The following NKAIN2 variants were observed in gnomAD, a reference collection of about 807,000 sequenced individuals.
NKAIN2 encodes the protein sodium/potassium transporting ATPase interacting 2.
Under a neutral mutation model 32.6 loss-of-function variants are expected in NKAIN2, and 14 were observed. The ratio of observed to expected loss-of-function variants is 0.43; its 90% confidence interval spans 0.28 to 0.67. NKAIN2 has a LOEUF of 0.67. Among genes scored for constraint, NKAIN2 ranks in the 30% least tolerant of loss-of-function variants. The probability of loss-of-function intolerance (pLI) is 0.17; values close to 1 mark genes in which losing one functional copy is unlikely to be tolerated. For synonymous variants in NKAIN2, 80 were observed against 87.2 expected, an observed-to-expected ratio of 0.92 and a Z score of 0.46; for missense variants, 198 against 258.3, an observed-to-expected ratio of 0.77 and a Z score of 1.60.
At chr6:124,429,407 G>A (rs1583238064) in intron 3 of NKAIN2, among the ~76,000 whole-genome samples, 1 of 152,136 alleles carries the variant, frequency 6.6e-6, no homozygotes, top group East Asian at 1.9e-4. Flanking sequence ...TGCATTGGCT[G>A]AGATAACTTC....
rs566337182 is a variant in NKAIN2, at chr6:124,035,103, T to C, written c.54+230849T>C. Among the ~76,000 whole-genome samples the C allele has an allele frequency of 5.8e-4, 89 of 152,206 alleles. 1 individual carries two copies. The South Asian group carries it at 0.017, about 29-fold the overall frequency. On this transcript the variant is annotated intron_variant, in intron 1 of 6. Transcript: ENST00000368417. ...TTGCAAATATGTATAATTATTTTAG[T>C]ATACAGAAATGCAAGAAAATACAGA...
intron 2 of NKAIN2, among the ~76,000 whole-genome samples, chr6:124,294,240 A>G (rs1266891021): frequency 2.0e-5 from 3 of 151,934 alleles, no homozygotes; most frequent in African/African-American, 7.2e-5. Flanking sequence ...CTTTATAACA[A>G]TCTGCTCTAG....
chr6:124,806,283 C>T (rs57113439), intron 5 of NKAIN2, among the ~76,000 whole-genome samples: 12,084 of 152,154 alleles, frequency 0.079, 734 homozygotes, highest in African/African-American at 0.15. Context: ...AGACTAACAG[C>T]GGATCTCTTG....
At chr6:123,957,563 G>T (rs987777985) in intron 1 of NKAIN2, among the ~76,000 whole-genome samples, 1 of 152,108 alleles carries the variant, frequency 6.6e-6, no homozygotes, top group African/African-American at 2.4e-5. Flanking sequence ...TGTAAGAAAT[G>T]ATTATATATC....
intron 1 of NKAIN2, among the ~76,000 whole-genome samples, chr6:124,024,607 A>G (rs1315575526): frequency 6.8e-6 from 1 of 146,126 alleles, no homozygotes; most frequent in Non-Finnish European, 1.5e-5. Context: ...GATAAAGCAG[A>G]TCTTAAGATT....
intron 3 of NKAIN2, among the ~76,000 whole-genome samples, chr6:124,465,663 G>A (rs567124714): frequency 6.7e-6 from 1 of 149,674 alleles, no homozygotes; most frequent in South Asian, 2.1e-4. Context: ...CCTTTGACAA[G>A]GAACCTCAAT....
intron 1 of NKAIN2, among the ~76,000 whole-genome samples, chr6:124,057,268 TCTC>T (rs1427497715): frequency 9.2e-5 from 14 of 152,192 alleles, no homozygotes; most frequent in Non-Finnish European, 1.9e-4. Flanking sequence ...AACAGGTTGT[TCTC>T]ATTCATCCCT....
At chr6:124,339,719 G>A (rs868744451) in intron 2 of NKAIN2, among the ~76,000 whole-genome samples, 1 of 151,962 alleles carries the variant, frequency 6.6e-6, no homozygotes, top group Non-Finnish European at 1.5e-5. Flanking sequence ...AGACTTTTTG[G>A]ATATTTATTT....
intron 1 of NKAIN2, among the ~76,000 whole-genome samples, chr6:123,842,270 C>A (rs556366077): frequency 5.7e-4 from 87 of 152,320 alleles, no homozygotes; most frequent in Non-Finnish European, 1.1e-3. Flanking sequence ...ACAACTGTGG[C>A]AGCTGAGAAA....
chr6:124,585,941 C>T (rs559739964), intron 3 of NKAIN2, among the ~76,000 whole-genome samples: 1 of 152,296 alleles, frequency 6.6e-6, no homozygotes, highest in Admixed American at 6.5e-5. Flanking sequence ...AAAGAAGAGG[C>T]ATGAAGCTTT....
intron 2 of NKAIN2, among the ~76,000 whole-genome samples, chr6:124,286,417 A>C (rs1795543795): frequency 1.3e-5 from 2 of 152,110 alleles, no homozygotes; most frequent in Non-Finnish European, 2.9e-5. Flanking sequence ...TTACTATATA[A>C]TTAATAATAA....
intron 1 of NKAIN2, among the ~76,000 whole-genome samples, chr6:124,086,148 A>G (rs542470665): frequency 3.0e-4 from 45 of 152,074 alleles, no homozygotes; most frequent in African/African-American, 1.0e-3. Context: ...ATTCATTATC[A>G]TAGGTATCTT....
intron 1 of NKAIN2, among the ~76,000 whole-genome samples, chr6:123,941,843 C>T (rs1359024896): frequency 1.3e-5 from 2 of 151,910 alleles, no homozygotes; most frequent in Non-Finnish European, 2.9e-5. Flanking sequence ...TTTAGGCATG[C>T]ACCCATAAAT....
intron 1 of NKAIN2, among the ~76,000 whole-genome samples, chr6:123,850,737 G>A (rs983571085): frequency 3.3e-5 from 5 of 152,014 alleles, no homozygotes; most frequent in African/African-American, 9.7e-5. Context: ...TTTGTGGTGG[G>A]AACACATAAA....
At chr6:123,908,760 T>G (rs1413427411) in intron 1 of NKAIN2, among the ~76,000 whole-genome samples, 1 of 152,194 alleles carries the variant, frequency 6.6e-6, no homozygotes, top group Non-Finnish European at 1.5e-5. Flanking sequence ...GTTTTTAAAT[T>G]TTTTACTTTT....
intron 1 of NKAIN2, among the ~76,000 whole-genome samples, chr6:123,890,434 A>C (rs2114369652): frequency 6.6e-6 from 1 of 152,214 alleles, no homozygotes; most frequent in South Asian, 2.1e-4. Flanking sequence ...GACCAAAATC[A>C]GTAATGGGGA....
chr6:124,367,920 G>A (rs1413872181), intron 3 of NKAIN2, among the ~76,000 whole-genome samples: 2 of 151,940 alleles, frequency 1.3e-5, no homozygotes, highest in African/African-American at 4.8e-5. Flanking sequence ...AAATTACAGT[G>A]GTGTCCATTT....
intron 1 of NKAIN2, among the ~76,000 whole-genome samples, chr6:124,212,981 G>A (rs1196716115): frequency 2.0e-5 from 3 of 152,018 alleles, no homozygotes; most frequent in Admixed American, 6.6e-5. Context: ...TGTTTATTTC[G>A]TTAGATATAC....
intron 3 of NKAIN2, among the ~76,000 whole-genome samples, chr6:124,389,365 G>T (rs1231639977): frequency 6.6e-6 from 1 of 152,034 alleles, no homozygotes; most frequent in Non-Finnish European, 1.5e-5. Flanking sequence ...AGCAATGCTG[G>T]TGTTATTTCA....
Sources: gnomAD v4.1 joint callset for allele counts (sites outside exome capture counted in the v4.1 genomes callset) on GRCh38, gnomAD v4.1.1 for gene constraint, MANE v1.5 for transcripts, NCBI Gene and HGNC (gene_info 2026-07-23, HGNC 2026-07-21) for gene names.